The following OSBPL10 variants were observed in gnomAD, a reference collection of about 807,000 sequenced individuals.
The protein encoded by OSBPL10 is oxysterol-binding protein-related protein 10.
Under a neutral mutation model 81.7 loss-of-function variants are expected in OSBPL10, and 49 were observed. That is an observed-to-expected ratio of 0.60 (90% confidence interval 0.48 to 0.76). The LOEUF (loss-of-function observed/expected upper bound fraction) is 0.76, where lower values mean the gene tolerates loss of function less well. OSBPL10 is among the 30% of genes least tolerant of loss of function. The pLI, the probability that OSBPL10 is intolerant of heterozygous loss-of-function variation, is 0.00. For missense variants in OSBPL10, 923 were observed against 987.8 expected (o/e 0.93, Z 0.88); for synonymous variants, 419 against 383.6 (o/e 1.09, Z -1.08).
chr3:31,757,106 G>A (rs146468197), intron 4 of OSBPL10, among the ~76,000 whole-genome samples: 161 of 152,186 alleles, frequency 1.1e-3, no homozygotes, highest in African/African-American at 2.6e-3. Context: ...GGGTTTTTCC[G>A]TGAAAATTAA....
chr3:31,833,257 A>G (rs1222501143), intron 3 of OSBPL10, among the ~76,000 whole-genome samples: 1 of 152,180 alleles, frequency 6.6e-6, no homozygotes, highest in Non-Finnish European at 1.5e-5. Flanking sequence ...GATAAGTTTC[A>G]TTCTTCATAC....
chr3:31,801,635 C>T (rs540467646), intron 4 of OSBPL10, among the ~76,000 whole-genome samples: 1 of 152,240 alleles, frequency 6.6e-6, no homozygotes, highest in South Asian at 2.1e-4. Flanking sequence ...GATGTAGGTC[C>T]GTGTCCTGAA....
intron 4 of OSBPL10, among the ~76,000 whole-genome samples, chr3:31,774,651 T>C (rs1057353629): frequency 2.6e-5 from 4 of 151,714 alleles, no homozygotes; most frequent in Non-Finnish European, 5.9e-5. Flanking sequence ...TAGCTGGGAT[T>C]ACAGGCACCC....
At chr3:31,931,471 C>A (rs1697248375) in intron 1 of OSBPL10, among the ~76,000 whole-genome samples, 1 of 152,178 alleles carries the variant, frequency 6.6e-6, no homozygotes, top group South Asian at 2.1e-4. Context: ...TACTCCACCA[C>A]CAGATTCAAC....
chr3:31,890,834 T>G (rs1695873707), intron 1 of OSBPL10, among the ~76,000 whole-genome samples: 1 of 152,188 alleles, frequency 6.6e-6, no homozygotes, highest in Non-Finnish European at 1.5e-5. Context: ...TATCTTATTC[T>G]TGATACTGAC....
At chr3:31,823,584 G>A (rs771800463) in intron 4 of OSBPL10, among the ~76,000 whole-genome samples, 1 of 152,088 alleles carries the variant, frequency 6.6e-6, no homozygotes, top group Non-Finnish European at 1.5e-5. Flanking sequence ...CACAGCCCAG[G>A]CAAGGAGCAA....
intron 6 of OSBPL10, among the ~76,000 whole-genome samples, chr3:31,705,985 T>C (rs1159720062): frequency 1.3e-5 from 2 of 152,160 alleles, no homozygotes; most frequent in East Asian, 3.8e-4. Flanking sequence ...CAAAAATGTA[T>C]GCAAACTTGA....
At chr3:32,011,621 C>T (rs1411286573) in intron 2 of OSBPL10, among the ~76,000 whole-genome samples, 5 of 152,170 alleles carry the variant, frequency 3.3e-5, no homozygotes. Flanking sequence ...GAGAAGAAGG[C>T]TTCAGACGAT....
intron 6 of OSBPL10, among the ~76,000 whole-genome samples, chr3:31,706,201 A>G (rs772023795): frequency 3.2e-4 from 48 of 152,224 alleles, no homozygotes; most frequent in Non-Finnish European, 6.2e-4. Context: ...CTTCACGGGC[A>G]GGCTGGGGTT....
chr3:31,876,432 C>A lies in OSBPL10; in HGVS notation c.537+1G>T, dbSNP rs1701473659. 1.2e-6 allele frequency: 2 copies of A among 1,608,402 alleles called. No homozygotes were observed. The highest frequency in any genetic ancestry group is 1.7e-6 in the Non-Finnish European group (2 of 1,174,812). On this transcript the variant is annotated splice_donor_variant, in intron 3 of 11. Transcript: ENST00000396556. LOFTEE classifies it high-confidence loss of function. ...CTCCTTCCTTTCTCACGGTGACTTA[C>A]CTTAGAATTCATTTCCATGTGGTAT...
At chr3:31,839,763 G>A (rs1700447775) in intron 3 of OSBPL10, among the ~76,000 whole-genome samples, 1 of 151,292 alleles carries the variant, frequency 6.6e-6, no homozygotes, top group African/African-American at 2.4e-5. Context: ...GCAATATGGA[G>A]TTGAGGTCAA....
At chr3:32,012,922 GGA>G (rs1423738068) in intron 2 of OSBPL10, among the ~76,000 whole-genome samples, 10 of 150,714 alleles carry the variant, frequency 6.6e-5, no homozygotes, top group Non-Finnish European at 1.0e-4. Flanking sequence ...ACCCAATACA[GGA>G]GCACCCAGAT....
At chr3:31,670,023 C>T (rs1043853383) in intron 9 of OSBPL10, among the ~76,000 whole-genome samples, 1 of 152,198 alleles carries the variant, frequency 6.6e-6, no homozygotes, top group Non-Finnish European at 1.5e-5. Flanking sequence ...TTGCCAATTT[C>T]TGTGGTGCCC....
At chr3:31,969,965 C>A (rs1459699190) in intron 1 of OSBPL10, among the ~76,000 whole-genome samples, 2 of 151,986 alleles carry the variant, frequency 1.3e-5, no homozygotes, top group Non-Finnish European at 2.9e-5. Context: ...GATTATCTTG[C>A]AGTGGAATTA....
intron 1 of OSBPL10, among the ~76,000 whole-genome samples, chr3:31,921,187 A>C (rs1241708102): frequency 6.6e-6 from 1 of 152,098 alleles, no homozygotes; most frequent in Non-Finnish European, 1.5e-5. Context: ...ACATGGTTAC[A>C]CATAGAAATA....
chr3:31,666,694 A>C (rs1394617683), intron 10 of OSBPL10, among the ~76,000 whole-genome samples: 1 of 152,194 alleles, frequency 6.6e-6, no homozygotes, highest in Non-Finnish European at 1.5e-5. Flanking sequence ...GATAGTACCA[A>C]ACCTATATAT....
chr3:31,890,791 G>A (rs571942491), intron 1 of OSBPL10, among the ~76,000 whole-genome samples: 8 of 151,986 alleles, frequency 5.3e-5, no homozygotes, highest in Non-Finnish European at 1.0e-4. Context: ...TGAAAATTTC[G>A]ATACCAATCT....
intron 2 of OSBPL10, chr3:31,989,173 G>A (rs1318928615): frequency 6.2e-7 from 1 of 1,614,164 alleles, no homozygotes; most frequent in Admixed American, 1.7e-5. Context: ...TGTGGCTATA[G>A]AATTCTCTTT....
chr3:31,765,928 GAGTGCCCAGAAACTACT>G (rs1163583317), intron 4 of OSBPL10, among the ~76,000 whole-genome samples: 2 of 152,176 alleles, frequency 1.3e-5, no homozygotes, highest in Admixed American at 1.3e-4. Context: ...ATACAGGAAA[GAGTGCCCAGAAACTACT>G]TGAAAGAGCT....
Sources: gnomAD v4.1 joint callset for allele counts (sites outside exome capture counted in the v4.1 genomes callset) on GRCh38, gnomAD v4.1.1 for gene constraint, MANE v1.5 for transcripts, NCBI Gene and HGNC (gene_info 2026-07-23, HGNC 2026-07-21) for gene names.